The following ATP9B variants were observed in gnomAD, a reference collection of about 807,000 sequenced individuals.
ATP9B encodes the protein probable phospholipid-transporting ATPase IIB.
A neutral mutation model predicts 146.1 loss-of-function variants in ATP9B; 110 were observed. The observed-to-expected ratio is 0.75, with a 90% CI of 0.65 to 0.88. The LOEUF is 0.88. Among genes scored for constraint, ATP9B ranks in the 40% least tolerant of loss-of-function variants. The pLI is 0.00. For missense variants in ATP9B, 1,499 were observed against 1,496.4 expected, an observed-to-expected ratio of 1.00 and a Z score of -0.03; for synonymous variants, 604 against 569.7, an observed-to-expected ratio of 1.06 and a Z score of -0.86.
chr18:79,238,139 A>G (rs1002384950), intron 11 of ATP9B, among the ~76,000 whole-genome samples: 5 of 152,230 alleles, frequency 3.3e-5, no homozygotes, highest in Non-Finnish European at 7.3e-5. Flanking sequence ...ATTGCCTACA[A>G]TAAAAATGTT....
chr18:79,082,522 T>G (rs920434995), intron 1 of ATP9B, among the ~76,000 whole-genome samples: 4 of 152,260 alleles, frequency 2.6e-5, no homozygotes, highest in Non-Finnish European at 4.4e-5. Flanking sequence ...TTGTGCTGGT[T>G]TTTCCTTATC....
chr18:79,217,679 A>G (rs1295099389), intron 11 of ATP9B, among the ~76,000 whole-genome samples: 1 of 152,232 alleles, frequency 6.6e-6, no homozygotes, highest in African/African-American at 2.4e-5. Flanking sequence ...GTTGAATGGA[A>G]GAGAATTGTG....
At chr18:79,269,912 A>G (rs2096239502) in intron 12 of ATP9B, among the ~76,000 whole-genome samples, 1 of 152,180 alleles carries the variant, frequency 6.6e-6, no homozygotes, top group South Asian at 2.1e-4. Context: ...AGTTTTACTG[A>G]GGTTAGTGTT....
intron 12 of ATP9B, among the ~76,000 whole-genome samples, chr18:79,270,248 T>C (rs778758726): frequency 6.6e-6 from 1 of 152,228 alleles, no homozygotes; most frequent in Non-Finnish European, 1.5e-5. Context: ...TCCTGCATTC[T>C]TGCGCGTTCA....
intron 27 of ATP9B, among the ~76,000 whole-genome samples, chr18:79,373,410 GATCCC>G (rs1386801363): frequency 1.3e-5 from 2 of 151,874 alleles, no homozygotes; most frequent in Non-Finnish European, 2.9e-5. Context: ...ATGTAGCTAG[GATCCC>G]ATCTTATTTT....
intron 3 of ATP9B, among the ~76,000 whole-genome samples, chr18:79,111,541 T>A (rs919436025): frequency 6.6e-6 from 1 of 152,232 alleles, no homozygotes; most frequent in Non-Finnish European, 1.5e-5. Flanking sequence ...TACAGGCAGA[T>A]AAATATTCGC....
At chr18:79,283,426 G>A (rs1012756957) in intron 13 of ATP9B, among the ~76,000 whole-genome samples, 1 of 152,236 alleles carries the variant, frequency 6.6e-6, no homozygotes, top group Admixed American at 6.5e-5. Context: ...CTTCGCAGGA[G>A]TGTAAATGGG....
intron 13 of ATP9B, chr18:79,299,814 T>C (rs1276942589): frequency 1.3e-5 from 2 of 152,236 alleles, no homozygotes; most frequent in African/African-American, 2.4e-5. Flanking sequence ...TCATGAGTTT[T>C]TGCCAAATGA....
chr18:79,154,750 T>C lies in ATP9B; in HGVS notation c.778+195T>C, dbSNP rs1371787377. On this transcript the variant is annotated intron_variant, in intron 7 of 29. Transcript: ENST00000426216. ...TGAAAAGAGAGTCCACATTTTCATATGAAGCTACTTTACAAAGTAAAAACA... is the reference window on the plus strand; with the variant it reads ...TGAAAAGAGAGTCCACATTTTCATACGAAGCTACTTTACAAAGTAAAAACA... 1.3e-5 allele frequency among the ~76,000 whole-genome samples: 2 copies of C among 152,370 alleles called. 1 individual carries two copies. The highest frequency in any genetic ancestry group is 6.8e-3 in the Middle Eastern group (2 of 294).
chr18:79,159,686 C>A lies in ATP9B; in HGVS notation c.778+5131C>A, dbSNP rs572428570. Among the ~76,000 whole-genome samples the A allele has an allele frequency of 2.6e-5, 4 of 152,320 alleles. No homozygotes were observed. The East Asian group carries it at 7.7e-4, about 29-fold the overall frequency. On this transcript the variant is annotated intron_variant, in intron 7 of 29. Transcript: ENST00000426216. ...CTACCCAGTCACCAAAGACCACCCC[C>A]AACCCCCAGTGACCCAGCACACCTA...
At chr18:79,118,627 C>G (rs1465517027) in intron 4 of ATP9B, among the ~76,000 whole-genome samples, 1 of 151,756 alleles carries the variant, frequency 6.6e-6, no homozygotes, top group Non-Finnish European at 1.5e-5. Flanking sequence ...GTCTCGATCT[C>G]CTGACCTCGT....
chr18:79,325,822 G>A (rs1017299147), intron 15 of ATP9B, among the ~76,000 whole-genome samples: 8 of 152,180 alleles, frequency 5.3e-5, no homozygotes, highest in Non-Finnish European at 1.0e-4. Flanking sequence ...GCGTTAGGCT[G>A]TTTTCCATTA....
intron 8 of ATP9B, 68 bp downstream of exon 8, chr18:79,176,975 C>G: frequency 1.6e-6 from 2 of 1,285,768 alleles, no homozygotes; most frequent in Non-Finnish European, 1.1e-6. Context: ...ACGTATATTT[C>G]TGTTTATACC....
At chr18:79,110,790 A>G (rs547822647) in intron 3 of ATP9B, among the ~76,000 whole-genome samples, 1 of 152,384 alleles carries the variant, frequency 6.6e-6, no homozygotes, top group South Asian at 2.1e-4. Context: ...AAATATAGAC[A>G]TAATGAAGTA....
intron 6 of ATP9B, among the ~76,000 whole-genome samples, chr18:79,148,025 A>T (rs1369979076): frequency 6.6e-6 from 1 of 152,244 alleles, no homozygotes; most frequent in Non-Finnish European, 1.5e-5. Flanking sequence ...TTAAAAAGAC[A>T]GTTATGAAAT....
intron 11 of ATP9B, among the ~76,000 whole-genome samples, chr18:79,243,298 TA>T (rs1388947131): frequency 6.6e-6 from 1 of 152,208 alleles, no homozygotes; most frequent in Non-Finnish European, 1.5e-5. Flanking sequence ...AATATAATTA[TA>T]AATAGGTGAA....
intron 19 of ATP9B, among the ~76,000 whole-genome samples, chr18:79,337,738 C>T (rs888919686): frequency 3.3e-5 from 5 of 152,226 alleles, no homozygotes; most frequent in Non-Finnish European, 7.3e-5. Flanking sequence ...CGATGTCAAA[C>T]TGCCACATGC....
chr18:79,071,570 G>A (rs71364795), intron 1 of ATP9B, among the ~76,000 whole-genome samples: 1 of 151,410 alleles, frequency 6.6e-6, no homozygotes, highest in Non-Finnish European at 1.5e-5. Flanking sequence ...TTTTTTTGAA[G>A]AGACAGCATC....
At chr18:79,200,762 C>T (rs375240581) in intron 9 of ATP9B, among the ~76,000 whole-genome samples, 31 of 26,776 alleles carry the variant, frequency 1.2e-3, no homozygotes, top group Admixed American at 1.5e-3. Context: ...GAGGTGGGAA[C>T]GTTGGGGTCA....
Sources: allele counts gnomAD v4.1 joint callset (sites outside exome capture counted in the v4.1 genomes callset), GRCh38; gene constraint gnomAD v4.1.1; transcripts MANE v1.5; gene names NCBI Gene and HGNC (gene_info 2026-07-23, HGNC 2026-07-21).